Variants in GPC5 observed in about 807,000 individuals in gnomAD.
GPC5 encodes the protein glypican 5.
A neutral mutation model predicts 53.9 loss-of-function variants in GPC5; 47 were observed. The ratio of observed to expected loss-of-function variants is 0.87; its 90% CI spans 0.69 to 1.11. The LOEUF (loss-of-function observed/expected upper bound fraction) is 1.11. GPC5 is among the 50% of genes most tolerant of loss of function. The probability of loss-of-function intolerance (pLI) is 0.00; values close to 1 mark genes in which losing one functional copy is unlikely to be tolerated. For missense variants in GPC5, 748 were observed against 713.1 expected, an observed-to-expected ratio of 1.05 and a Z score of -0.56; for synonymous variants, 286 against 263.3, an observed-to-expected ratio of 1.09 and a Z score of -0.84.
At chr13:91,428,109 T>C (rs1479788647) in intron 1 of GPC5, among the ~76,000 whole-genome samples, 1 of 152,162 alleles carries the variant, frequency 6.6e-6, no homozygotes, top group East Asian at 1.9e-4. Context: ...ACACAATGTG[T>C]TTATTTGCTA....
intron 7 of GPC5, among the ~76,000 whole-genome samples, chr13:92,692,559 T>C (rs989149780): frequency 3.4e-5 from 5 of 147,736 alleles, no homozygotes; most frequent in Admixed American, 2.0e-4. Flanking sequence ...AGGGATAGCA[T>C]TGGGAGATAT....
At chr13:92,492,310 A>C (rs1335090283) in intron 7 of GPC5, among the ~76,000 whole-genome samples, 1 of 151,916 alleles carries the variant, frequency 6.6e-6, no homozygotes, top group African/African-American at 2.4e-5. Flanking sequence ...ACACTTGGAC[A>C]CAGGAAGGGG....
At chr13:92,422,064 A>G (rs980754337) in intron 7 of GPC5, among the ~76,000 whole-genome samples, 3 of 152,094 alleles carry the variant, frequency 2.0e-5, no homozygotes, top group African/African-American at 7.2e-5. Flanking sequence ...TGTCTCTCCA[A>G]GGCTGTGGAG....
intron 7 of GPC5, among the ~76,000 whole-genome samples, chr13:92,860,829 G>A (rs888266088): frequency 6.6e-6 from 1 of 151,980 alleles, no homozygotes; most frequent in Non-Finnish European, 1.5e-5. Flanking sequence ...AGTCTGAGTT[G>A]CTGCAATATA....
chr13:92,005,892 C>G (rs762750612), intron 6 of GPC5, among the ~76,000 whole-genome samples: 2 of 152,100 alleles, frequency 1.3e-5, no homozygotes, highest in Non-Finnish European at 2.9e-5. Context: ...ATTAGTTACT[C>G]ATAGATAGTG....
intron 7 of GPC5, among the ~76,000 whole-genome samples, chr13:92,696,918 C>A (rs1044977721): frequency 6.6e-6 from 1 of 152,174 alleles, no homozygotes; most frequent in African/African-American, 2.4e-5. Flanking sequence ...CTGCATATGG[C>A]TAGCCAGTTT....
chr13:92,059,504 T>C lies in GPC5; in HGVS notation c.1402-85326T>C, dbSNP rs138755147. Among the ~76,000 whole-genome samples, 730 of 152,144 alleles carry C rather than the reference T, an allele frequency of 4.8e-3. 13 individuals are homozygous for C. The highest frequency in any genetic ancestry group is 0.016 in the African/African-American group (677 of 41,428). Reference sequence around the variant, plus strand: ...TATATATACCTATACCCTAGAATTATTTTATATAAAATAGAATATACTAGA... The same window carrying C: ...TATATATACCTATACCCTAGAATTACTTTATATAAAATAGAATATACTAGA... On this transcript the variant is annotated intron_variant, in intron 6 of 7. Transcript: ENST00000377067.
At chr13:92,246,212 T>G (rs1024923248) in intron 7 of GPC5, among the ~76,000 whole-genome samples, 18 of 152,140 alleles carry the variant, frequency 1.2e-4, no homozygotes, top group Non-Finnish European at 7.4e-5. Context: ...CATCCTTCAT[T>G]TTAAGCTAGA....
chr13:92,504,190 C>A (rs1002176405), intron 7 of GPC5, among the ~76,000 whole-genome samples: 1 of 151,888 alleles, frequency 6.6e-6, no homozygotes, highest in Non-Finnish European at 1.5e-5. Flanking sequence ...GATACAAATT[C>A]ACCACACAAA....
intron 2 of GPC5, among the ~76,000 whole-genome samples, chr13:91,596,312 C>G (rs1207778551): frequency 6.6e-6 from 1 of 152,112 alleles, no homozygotes; most frequent in African/African-American, 2.4e-5. Context: ...ATGTTTATCT[C>G]TGCCTTTAAA....
chr13:92,224,459 G>C (rs747820713), intron 7 of GPC5, among the ~76,000 whole-genome samples: 15 of 152,202 alleles, frequency 9.9e-5, no homozygotes, highest in Non-Finnish European at 2.2e-4. Context: ...CAGCAGGCCT[G>C]AGACTGCTGT....
At chr13:92,033,609 G>A (rs2040870578) in intron 6 of GPC5, among the ~76,000 whole-genome samples, 1 of 152,198 alleles carries the variant, frequency 6.6e-6, no homozygotes, top group Admixed American at 6.5e-5. Flanking sequence ...TTTTAAATAT[G>A]TAAGACGTTA....
intron 7 of GPC5, among the ~76,000 whole-genome samples, chr13:92,853,945 G>A (rs1440001217): frequency 6.6e-6 from 1 of 151,916 alleles, no homozygotes; most frequent in African/African-American, 2.4e-5. Context: ...TAAACTTGCT[G>A]CATCTCTACA....
intron 7 of GPC5, among the ~76,000 whole-genome samples, chr13:92,473,964 G>A (rs1207660029): frequency 1.3e-5 from 2 of 152,118 alleles, no homozygotes; most frequent in Non-Finnish European, 2.9e-5. Flanking sequence ...TGCCTTTGAA[G>A]CAATATCAGG....
intron 3 of GPC5, among the ~76,000 whole-genome samples, chr13:91,719,825 T>C (rs2036425198): frequency 7.1e-6 from 1 of 141,168 alleles, no homozygotes; most frequent in Admixed American, 6.9e-5. Context: ...CTTACTCTTC[T>C]CCCTCATTTT....
chr13:92,801,505 C>CT (rs1876906119), intron 7 of GPC5, among the ~76,000 whole-genome samples: 2 of 151,698 alleles, frequency 1.3e-5, no homozygotes, highest in Non-Finnish European at 2.9e-5. Flanking sequence ...GATTTGAGTG[C>CT]TTAATACACT....
intron 7 of GPC5, among the ~76,000 whole-genome samples, chr13:92,860,856 T>C (rs1879156662): frequency 6.6e-6 from 1 of 152,100 alleles, no homozygotes. Flanking sequence ...GTTTTTATAT[T>C]AAAAGACACT....
chr13:91,497,713 G>GA (rs1490079858), intron 2 of GPC5, among the ~76,000 whole-genome samples: 1 of 152,180 alleles, frequency 6.6e-6, no homozygotes, highest in Non-Finnish European at 1.5e-5. Flanking sequence ...CAGTTTTGGG[G>GA]TCATGCTTGA....
At chr13:92,712,842 A>C (rs548579005) in intron 7 of GPC5, among the ~76,000 whole-genome samples, 2 of 152,186 alleles carry the variant, frequency 1.3e-5, no homozygotes, top group Non-Finnish European at 2.9e-5. Context: ...TGTCCTTATA[A>C]GAAATTAGTA....
Sources: allele counts gnomAD v4.1 joint callset (sites outside exome capture counted in the v4.1 genomes callset), GRCh38; gene constraint gnomAD v4.1.1; transcripts MANE v1.5; gene names NCBI Gene and HGNC (gene_info 2026-07-23, HGNC 2026-07-21).